The following PCDHGA6 variants were observed in gnomAD, a reference collection of about 807,000 sequenced individuals.
The protein encoded by PCDHGA6 is protocadherin gamma subfamily A, 6.
PCDHGA6 carries 41 observed loss-of-function variants against 60.6 expected under a neutral mutation model. That is an observed-to-expected ratio of 0.68 (90% CI 0.53 to 0.88). The LOEUF is 0.88. PCDHGA6 is among the 40% of genes least tolerant of loss of function. The pLI is 0.00. For synonymous variants in PCDHGA6, 594 were observed against 524.4 expected (o/e 1.13, Z -1.81); for missense variants, 1,312 against 1,203.0 (o/e 1.09, Z -1.34).
chr5:141,399,383 C>A, intron 1 of PCDHGA6: 1 of 1,614,008 alleles, frequency 6.2e-7, no homozygotes. Context: ...GTCACCATCA[C>A]AGCCACAGAC....
At position 141,486,960 on chromosome 5, in the gene PCDHGA6, T is replaced by C; in HGVS notation, c.2425-7847T>C. On this transcript the variant is annotated intron_variant, in intron 1 of 3. Transcript: ENST00000517434. The surrounding 1 kb of genome is among the most constrained non-coding windows in gnomAD (Gnocchi z 5.0). Reference sequence around the variant, plus strand: ...CACCTAATCACAAAGGTGACTGCTGTGGACTTGGATTCAGGTTACAATGCT... The same window carrying C: ...CACCTAATCACAAAGGTGACTGCTGCGGACTTGGATTCAGGTTACAATGCT... The C allele has an allele frequency of 6.2e-7, 1 of 1,614,228 alleles. No individual in the cohort carries two copies. Among genetic ancestry groups the C allele is most frequent in the Non-Finnish European group, 8.5e-7 (1 of 1,180,034 alleles).
chr5:141,374,975 A>G lies in PCDHGA6; in HGVS notation c.892A>G (p.Thr298Ala), dbSNP rs770625909. The part of the protein sequence containing the change: ...ISQIFCLNVL[T>A]GEISTSANLD... ...ACAAATTTTCTGTTTGAATGTTTTG[A>G]CTGGAGAAATTTCAACTTCTGCAAA... Residue 298 changes from threonine (T) to alanine (A), a missense_variant, in exon 1 of 4, where the codon ACT becomes GCT. Thr to Ala is a moderately conservative substitution (Grantham distance 58). Coordinates refer to ENST00000517434, the MANE Select transcript of PCDHGA6 (RefSeq NM_018919.3). 1.2e-6 allele frequency: 2 copies of G among 1,613,964 alleles called. No individual in the cohort carries two copies. Among genetic ancestry groups the G allele is most frequent in the Non-Finnish European group, 8.5e-7 (1 of 1,179,880 alleles).
intron 1 of PCDHGA6, chr5:141,419,658 A>C: frequency 1.9e-6 from 3 of 1,612,782 alleles, no homozygotes; most frequent in Non-Finnish European, 2.5e-6. Context: ...GACTCGGGGC[A>C]CAATGCCTGG....
Position 141,477,383 on chromosome 5 carries a change from T to A in PCDHGA6, c.2425-17424T>A. 6.2e-7 allele frequency: 1 copy of A among 1,614,102 alleles called. No homozygotes were observed. Among genetic ancestry groups the A allele is most frequent in the Non-Finnish European group, 8.5e-7 (1 of 1,180,006 alleles). On this transcript the variant is annotated intron_variant, in intron 1 of 3. Transcript: ENST00000517434. This position sits in a 1 kb window ranked among gnomAD's most constrained non-coding sequence, Gnocchi z 4.9. Reference sequence around the variant, plus strand: ...CCTGGATCGGGAGACTGTGCCAGAATACAACCTCAGCATCACCGCCCGAGA... The same window carrying A: ...CCTGGATCGGGAGACTGTGCCAGAAAACAACCTCAGCATCACCGCCCGAGA...
At chr5:141,415,198 G>T in intron 1 of PCDHGA6, 2 of 1,614,038 alleles carry the variant, frequency 1.2e-6, no homozygotes, top group Non-Finnish European at 1.7e-6. Context: ...CATCCCCCAA[G>T]TCCTGGCGGA....
rs1035125527 is a variant in PCDHGA6, at chr5:141,485,059, C to T, written c.2425-9748C>T. The T allele has an allele frequency of 7.0e-6, 6 of 858,958 alleles. No homozygotes were observed. The highest frequency in any genetic ancestry group is 2.4e-5 in the East Asian group (1 of 40,854). 53.2% of individuals were successfully genotyped at this position (858,958 alleles called of 1,614,324 possible). A position where few individuals can be genotyped will look rare whatever the true frequency, so the allele number is the denominator to read the frequency against. ...AACCCTTGCGGCGCCGGCCGAACCG[C>T]GCCAGAGCTGGCGCGGGGAAAGGGA... On this transcript the variant is annotated intron_variant, in intron 1 of 3. Coordinates refer to ENST00000517434, the MANE Select transcript of PCDHGA6 (RefSeq NM_018919.3). This position sits in a 1 kb window ranked among gnomAD's most constrained non-coding sequence, Gnocchi z 5.7.
chr5:141,402,430 C>T (rs1026560659), intron 1 of PCDHGA6, among the ~76,000 whole-genome samples: 2 of 151,802 alleles, frequency 1.3e-5, no homozygotes, highest in African/African-American at 4.8e-5. Flanking sequence ...ATTGAAGCAT[C>T]ATAAAAAGGA....
At chr5:141,416,210 A>G (rs1264276644) in intron 1 of PCDHGA6, 2 of 152,420 alleles carry the variant, frequency 1.3e-5, no homozygotes, top group African/African-American at 4.8e-5. Flanking sequence ...TATTTATAAC[A>G]ATGTATGCTT....
At position 141,376,592 on chromosome 5, in the gene PCDHGA6, C is replaced by T. The variant is rs373550079; in HGVS notation, c.2424+85C>T. 8 of 1,565,128 alleles carry T rather than the reference C, an allele frequency of 5.1e-6. No individual in the cohort carries two copies. In the East Asian group the frequency reaches 1.4e-4, roughly 27 times the overall value. On this transcript the variant is annotated intron_variant, in intron 1 of 3. Coordinates refer to ENST00000517434, the MANE Select transcript of PCDHGA6 (RefSeq NM_018919.3). ...CAGACAGGCTCATCAGCTAGATCGG[C>T]TGTTATAGAAGCGAACCTCTTTTGG...
At chr5:141,402,124 A>G (rs150020541) in intron 1 of PCDHGA6, among the ~76,000 whole-genome samples, 1 of 152,254 alleles carries the variant, frequency 6.6e-6, no homozygotes, top group East Asian at 1.9e-4. Flanking sequence ...AAAATTTCCA[A>G]CTTTAATCCT....
rs1464961193 is a variant in PCDHGA6 at position 141,432,346 on chromosome 5, A to G, written c.2424+55839A>G. The G allele has an allele frequency of 6.2e-7, 1 of 1,614,192 alleles. No homozygotes were observed. Among genetic ancestry groups the G allele is most frequent in the African/African-American group, 1.3e-5 (1 of 75,054 alleles). On this transcript the variant is annotated intron_variant, in intron 1 of 3. Coordinates refer to ENST00000517434, the MANE Select transcript of PCDHGA6 (RefSeq NM_018919.3). This position sits in a 1 kb window ranked among gnomAD's most constrained non-coding sequence, Gnocchi z 6.0. ...ACTACGAGCAGTTCCGAGACTTGCA[A>G]GTGAAAGTGATGGCGCGGGACAACG...
At chr5:141,417,890 G>GCCGGC (rs2096180101) in intron 1 of PCDHGA6, 1 of 1,568,496 alleles carries the variant, frequency 6.4e-7, no homozygotes, top group Non-Finnish European at 8.6e-7. Context: ...GAGGCGCCGG[G>GCCGGC]CCGGCCCGCG....
intron 1 of PCDHGA6, chr5:141,409,594 C>G: frequency 1.2e-6 from 2 of 1,613,900 alleles, no homozygotes; most frequent in Non-Finnish European, 1.7e-6. Flanking sequence ...TGGCCGAGAA[C>G]AACCCGCCAG....
At chr5:141,430,729 G>T in intron 1 of PCDHGA6, 1 of 1,499,360 alleles carries the variant, frequency 6.7e-7, no homozygotes, top group East Asian at 2.3e-5. Flanking sequence ...GTTAAGGGCA[G>T]AATTGAAAAT....
At position 141,477,460 on chromosome 5, in the gene PCDHGA6, C is replaced by T; in HGVS notation, c.2425-17347C>T. 6.2e-7 allele frequency: 1 copy of T among 1,614,132 alleles called. No individual in the cohort carries two copies. Among genetic ancestry groups the T allele is most frequent in the Non-Finnish European group, 8.5e-7 (1 of 1,180,020 alleles). On this transcript the variant is annotated intron_variant, in intron 1 of 3. Transcript: ENST00000517434. The surrounding 1 kb of genome is among the most constrained non-coding windows in gnomAD (Gnocchi z 4.9). ...TTACAATAGTGCGTGTTCAAGTGTC[C>T]GACATCAATGACAACCCTCCACAAT...
At chr5:141,389,969 C>CTTGA (rs746625491) in intron 1 of PCDHGA6, 8 of 1,613,924 alleles carry the variant, frequency 5.0e-6, no homozygotes, top group Non-Finnish European at 6.8e-6. Flanking sequence ...TGGCCTTGGC[C>CTTGA]TTGATCTCAG....
chr5:141,441,867 G>T, intron 1 of PCDHGA6: 1 of 345,800 alleles, frequency 2.9e-6, no homozygotes, highest in Non-Finnish European at 5.6e-6. Flanking sequence ...ACGCCGCGGA[G>T]CCTGGCTACC....
rs1404533394 is a variant in PCDHGA6, at chr5:141,491,708, G to T, written c.2425-3099G>T. ...CTGCGGGAGCGGAGCCAGGTGAGGG[G>T]CTCGGCGCCGCCCCGGGCGACCCCT... On this transcript the variant is annotated intron_variant, in intron 1 of 3. Transcript: ENST00000517434. The surrounding 1 kb of genome is among the most constrained non-coding windows in gnomAD (Gnocchi z 6.9). 1 of 1,610,132 alleles carries T rather than the reference G, an allele frequency of 6.2e-7. No individual in the cohort carries two copies. Among genetic ancestry groups the T allele is most frequent in the Admixed American group, 1.7e-5 (1 of 59,518 alleles).
At chr5:141,383,684 T>C in intron 1 of PCDHGA6, 5 of 1,614,014 alleles carry the variant, frequency 3.1e-6, no homozygotes, top group Non-Finnish European at 4.2e-6. Flanking sequence ...ACAAGACTGC[T>C]CACGGTACAT....
Sources: gnomAD v4.1 joint callset for allele counts (sites outside exome capture counted in the v4.1 genomes callset) on GRCh38, gnomAD v4.1.1 for gene constraint, Gnocchi (gnomAD v3.1) non-coding constraint, MANE v1.5 for transcripts, NCBI Gene and HGNC (gene_info 2026-07-23, HGNC 2026-07-21) for gene names.